TNRC6A: variants seen among roughly 807,000 people sequenced by gnomAD.
The protein encoded by TNRC6A is trinucleotide repeat-containing gene 6A protein.
Under a neutral mutation model 221.2 loss-of-function variants are expected in TNRC6A, and 44 were observed. The observed-to-expected ratio is 0.20, with a 90% CI of 0.16 to 0.26. The LOEUF is 0.26. Ranked by LOEUF, TNRC6A falls within the 10% of genes least tolerant of loss-of-function variation. The pLI is 1.00. For synonymous variants in TNRC6A, 847 were observed against 838.5 expected (o/e 1.01, Z -0.18); for missense variants, 2,199 against 2,404.4 (o/e 0.91, Z 1.79).
intron 5 of TNRC6A, among the ~76,000 whole-genome samples, chr16:24,780,533 T>A (rs1403841910): frequency 6.6e-6 from 1 of 152,184 alleles, no homozygotes; most frequent in Non-Finnish European, 1.5e-5. Flanking sequence ...AGTGTTTATA[T>A]AAAATATAAA....
In TNRC6A at chr16:24,806,679, C is replaced by T. The variant is rs1301359260; in HGVS notation, c.4435C>T (p.His1479Tyr). The change falls in exon 17 of 25, where the codon CAT becomes TAT. Residue 1479 changes from histidine (H) to tyrosine (Y), a missense_variant. Coordinates refer to ENST00000395799, the MANE Select transcript of TNRC6A (RefSeq NM_014494.4). ...QTPPSQQQPL[H>Y]QPAMKSFLDN... ...TCCACCATCTCAGCAGCAGCCACTC[C>T]ATCAGCCAGCCATGAAGTCTTTCCT... 4 of 1,614,198 alleles carry T rather than the reference C, an allele frequency of 2.5e-6. No individual in the cohort carries two copies. Among genetic ancestry groups the T allele is most frequent in the Non-Finnish European group, 3.4e-6 (4 of 1,180,030 alleles).
intron 1 of TNRC6A, among the ~76,000 whole-genome samples, chr16:24,638,990 T>C (rs1901784861): frequency 6.6e-6 from 1 of 152,192 alleles, no homozygotes; most frequent in African/African-American, 2.4e-5. Context: ...ATGTAAGATC[T>C]TGATGATGTT....
intron 11 of TNRC6A, chr16:24,803,938 A>G (rs1334132260): frequency 2.5e-6 from 1 of 403,834 alleles, no homozygotes; most frequent in African/African-American, 2.1e-5. Context: ...TCAGCCAGCC[A>G]CCTTCTGTTT....
At chr16:24,730,403 C>T in intron 2 of TNRC6A, 103 bp downstream of exon 2, 3 of 1,392,044 alleles carry the variant, frequency 2.2e-6, no homozygotes, top group African/African-American at 3.0e-5. Flanking sequence ...CATTTTCTTC[C>T]GCACCCGGAG....
chr16:24,789,197 A>C (rs2058040194), intron 5 of TNRC6A, 35 bp from the exon 6 acceptor site: 1 of 1,525,756 alleles, frequency 6.6e-7, no homozygotes, highest in African/African-American at 1.4e-5. Flanking sequence ...ATGGCCTAAC[A>C]CTTTATAAAT....
chr16:24,712,921 G>GTGTA (rs1555492999), intron 2 of TNRC6A, among the ~76,000 whole-genome samples: 3 of 143,888 alleles, frequency 2.1e-5, no homozygotes, highest in Admixed American at 7.0e-5. Flanking sequence ...GTGTGTGTGT[G>GTGTA]TGTGTGTGTG....
upstream of TNRC6A, among the ~76,000 whole-genome samples, chr16:24,729,278 G>A (rs909791927): frequency 3.3e-5 from 5 of 151,012 alleles, no homozygotes; most frequent in South Asian, 8.4e-4. Flanking sequence ...GCTGCAGTTG[G>A]GGTAAAATTT....
At chr16:24,740,110 T>C (rs2056860225) in intron 2 of TNRC6A, among the ~76,000 whole-genome samples, 1 of 152,246 alleles carries the variant, frequency 6.6e-6, no homozygotes, top group Admixed American at 6.5e-5. Context: ...ATTTCTGGAC[T>C]CTCAATTCTA....
Position 24,777,331 on chromosome 16 carries a change from G to A in TNRC6A, c.562G>A (p.Glu188Lys), listed in dbSNP as rs777429480. 3 of 1,612,400 alleles carry A rather than the reference G, an allele frequency of 1.9e-6. No homozygotes were observed. The highest frequency in any genetic ancestry group is 2.5e-6 in the Non-Finnish European group (3 of 1,179,954). ...LTNQQPQNNG[E>K]VQNSKNQSDI... ...AAATCAACAGCCACAAAATAACGGAGAGGTGCAGAACAGCAAAAACCAGTC... is the reference window on the plus strand; with the variant it reads ...AAATCAACAGCCACAAAATAACGGAAAGGTGCAGAACAGCAAAAACCAGTC... The change falls in exon 5 of 25, where the codon GAG becomes AAG. Residue 188 changes from glutamate to lysine, a missense_variant. Physicochemically the swap from Glu to Lys is moderately conservative, Grantham distance 56 (BLOSUM62 1). Around this residue, in one of 8 missense-constraint regions of TNRC6A, gnomAD observed 1,405 missense variants for 1,400.2 expected, o/e 1.00. Coordinates refer to ENST00000395799, the MANE Select transcript of TNRC6A (RefSeq NM_014494.4).
upstream of TNRC6A, among the ~76,000 whole-genome samples, chr16:24,728,262 A>G (rs573909499): frequency 6.6e-6 from 1 of 152,306 alleles, no homozygotes; most frequent in South Asian, 2.1e-4. Flanking sequence ...AGCCTGGCCA[A>G]CATGACGAAA....
intron 2 of TNRC6A, among the ~76,000 whole-genome samples, chr16:24,679,724 G>A (rs1026953023): frequency 2.4e-4 from 36 of 151,588 alleles, no homozygotes; most frequent in Admixed American, 4.6e-4. Context: ...CAATCCACCC[G>A]CCTCGGCCTC....
chr16:24,671,763 G>A (rs1385238308), intron 2 of TNRC6A, among the ~76,000 whole-genome samples: 1 of 152,190 alleles, frequency 6.6e-6, no homozygotes, highest in South Asian at 2.1e-4. Context: ...TAATCCCAGC[G>A]CTTTGGGAGG....
intron 2 of TNRC6A, among the ~76,000 whole-genome samples, chr16:24,702,116 T>TCC (rs1567369926): frequency 1.4e-5 from 2 of 140,018 alleles, no homozygotes; most frequent in Admixed American, 7.3e-5. Context: ...TCTTTTTTTT[T>TCC]TTTTTTTTTG....
rs57797973 is a variant in TNRC6A at position 24,611,392 on chromosome 16, G to A, written n.276+908G>A. ...TAAAGGAGATGGATACATTGCTTGG[G>A]GCCATCAGAACTGTTTCCTGGGAGG... On this transcript the variant is annotated intron_variant and non_coding_transcript_variant, in intron 1 of 2. Transcript: ENST00000566108. Among the ~76,000 whole-genome samples, 489 of 152,246 alleles carry A rather than the reference G, an allele frequency of 3.2e-3. 1 individual carries two copies. The highest frequency in any genetic ancestry group is 0.011 in the African/African-American group (459 of 41,550).
intron 2 of TNRC6A, among the ~76,000 whole-genome samples, chr16:24,678,980 C>A (rs2055474718): frequency 6.7e-6 from 1 of 148,810 alleles, no homozygotes; most frequent in South Asian, 2.1e-4. Flanking sequence ...ATGAAAAGAC[C>A]TTTAAAACAT....
chr16:24,794,646 G>A lies in TNRC6A; in HGVS notation c.3455G>A (p.Trp1152Ter). ...GAAGAGGATGTGGAGATTGGAATGT[G>A]GAATAGTAATTCATCTCAAGAGCTT... ...EEEEDVEIGM[W>*]NSNSSQELNS... The change falls in exon 8 of 25, where the codon TGG becomes TAG. Residue 1152 changes from tryptophan to a stop codon, truncating the protein, a stop_gained. Coordinates refer to ENST00000395799, the MANE Select transcript of TNRC6A (RefSeq NM_014494.4). LOFTEE classifies it high-confidence loss of function. 1 of 1,613,818 alleles carries A rather than the reference G, an allele frequency of 6.2e-7. No individual in the cohort carries two copies. The highest frequency in any genetic ancestry group is 8.5e-7 in the Non-Finnish European group (1 of 1,179,878).
rs1482878160 is a variant in TNRC6A at position 24,692,668 on chromosome 16, G to T, written n.402+51659G>T. Among the ~76,000 whole-genome samples the T allele has an allele frequency of 2.6e-5, 4 of 151,884 alleles. 1 individual carries two copies. Among genetic ancestry groups the T allele is most frequent in the African/African-American group, 9.7e-5 (4 of 41,396 alleles). On this transcript the variant is annotated intron_variant and non_coding_transcript_variant, in intron 2 of 2. Transcript: ENST00000566108. ...AAAGAGGCTGCAGTGAGCCGTGATT[G>T]TGCCACTGCATTCCCACCTAGGCAA...
chr16:24,812,266 G>T (rs2058562035), intron 18 of TNRC6A, among the ~76,000 whole-genome samples: 1 of 151,850 alleles, frequency 6.6e-6, no homozygotes, highest in Admixed American at 6.6e-5. Flanking sequence ...TGGCCAGGCT[G>T]GTCTCGTTCT....
chr16:24,649,052 G>T (rs531334193), intron 2 of TNRC6A, among the ~76,000 whole-genome samples: 108 of 152,040 alleles, frequency 7.1e-4, no homozygotes, highest in Non-Finnish European at 1.4e-3. Flanking sequence ...GGACTGAGGC[G>T]GGAGGATCGC....
Sources: allele counts gnomAD v4.1 joint callset (sites outside exome capture counted in the v4.1 genomes callset), GRCh38; gene constraint gnomAD v4.1.1; regional missense constraint gnomAD v4.1.1; transcripts MANE v1.5; gene names NCBI Gene and HGNC (gene_info 2026-07-23, HGNC 2026-07-21).